Variants in ABCA9 observed in about 807,000 individuals in gnomAD.
ABCA9 encodes the protein ATP-binding cassette sub-family A member 9.
A neutral mutation model predicts 205.3 loss-of-function variants in ABCA9; 183 were observed. The observed-to-expected ratio is 0.89, with a 90% CI of 0.79 to 1.01. The LOEUF is 1.01. Among genes scored for constraint, ABCA9 ranks in the 50% least tolerant of loss-of-function variants. ABCA9 has a pLI of 0.00. For missense variants in ABCA9, 1,805 were observed against 1,912.4 expected, an observed-to-expected ratio of 0.94 and a Z score of 1.05; for synonymous variants, 651 against 683.3, an observed-to-expected ratio of 0.95 and a Z score of 0.74.
chr17:69,036,673 C>T (rs1271025669), intron 6 of ABCA9, among the ~76,000 whole-genome samples: 1 of 151,794 alleles, frequency 6.6e-6, no homozygotes, highest in Admixed American at 6.6e-5. Flanking sequence ...CAAATTCACA[C>T]ATAACAATAT....
chr17:68,988,666 TAGGC>T (rs1031050042), intron 31 of ABCA9, among the ~76,000 whole-genome samples: 16 of 152,156 alleles, frequency 1.1e-4, no homozygotes, highest in African/African-American at 3.6e-4. Flanking sequence ...TGCAACCACA[TAGGC>T]AGGAGTTGTC....
rs914037389 is a variant in ABCA9, at chr17:69,045,098, C to T, written c.469+74G>A. ...TGTATATGTTTGTGTAGTTTCACCT[C>T]TGCTATCAGGTATGCCCCCTTTGTG... On this transcript the variant is annotated intron_variant, in intron 4 of 38. Transcript: ENST00000340001. 3.2e-6 allele frequency: 4 copies of T among 1,265,310 alleles called. No individual in the cohort carries two copies. In the Admixed American group the frequency reaches 8.5e-5, roughly 27 times the overall value. 78.4% of individuals were successfully genotyped at this position (1,265,310 alleles called of 1,614,324 possible).
In ABCA9 at chr17:68,990,996, TA is replaced by T. The variant is rs762291514; in HGVS notation, c.3717-40del. On this transcript the variant is annotated intron_variant, in intron 28 of 38. Transcript: ENST00000340001. ...AGTGTGATAATGATAAACTTCGGGT[TA>T]AAAATCTTGTATCAAAATTAATGAA... 8.2e-6 allele frequency: 13 copies of T among 1,582,266 alleles called. No individual in the cohort carries two copies. The Admixed American group carries it at 1.2e-4, about 15-fold the overall frequency.
intron 29 of ABCA9, among the ~76,000 whole-genome samples, chr17:68,990,240 C>T (rs947577360): frequency 6.6e-6 from 1 of 152,166 alleles, no homozygotes; most frequent in Non-Finnish European, 1.5e-5. Context: ...CAGACAAGCT[C>T]TCTCTCAGTG....
intron 23 of ABCA9, 46 bp downstream of exon 23, chr17:69,011,930 G>T (rs752056749): frequency 1.5e-6 from 2 of 1,357,116 alleles, no homozygotes; most frequent in East Asian, 2.4e-5. Flanking sequence ...GTGTGGGAAG[G>T]GTTCTCTAGA....
intron 28 of ABCA9, among the ~76,000 whole-genome samples, chr17:68,991,282 G>A (rs1333280668): frequency 6.6e-6 from 1 of 152,140 alleles, no homozygotes; most frequent in Non-Finnish European, 1.5e-5. Context: ...AGGAATCTAG[G>A]AACTATAGTT....
intron 3 of ABCA9, among the ~76,000 whole-genome samples, chr17:69,045,687 A>T (rs2071685959): frequency 6.6e-6 from 1 of 152,152 alleles, no homozygotes; most frequent in Non-Finnish European, 1.5e-5. Context: ...GCCTCAGGAA[A>T]CTTACAATCA....
intron 15 of ABCA9, 30 bp downstream of exon 15, chr17:69,026,946 T>C: frequency 6.2e-7 from 1 of 1,611,832 alleles, no homozygotes; most frequent in East Asian, 2.2e-5. Flanking sequence ...TAACCTCTCA[T>C]GAAGATACAT....
At chr17:68,994,546 G>A (rs559488947) in intron 26 of ABCA9, among the ~76,000 whole-genome samples, 29 of 152,238 alleles carry the variant, frequency 1.9e-4, no homozygotes, top group Non-Finnish European at 3.2e-4. Flanking sequence ...AATGACCTAC[G>A]TTCTGAAATA....
chr17:69,016,122 AT>A, intron 22 of ABCA9, 130 bp downstream of exon 22: 1 of 85,508 alleles, frequency 1.2e-5, no homozygotes. Flanking sequence ...ATATATATAT[AT>A]ACACACACAC....
intron 25 of ABCA9, among the ~76,000 whole-genome samples, chr17:69,003,908 G>A (rs1487161042): frequency 2.0e-5 from 3 of 151,924 alleles, no homozygotes; most frequent in South Asian, 2.1e-4. Flanking sequence ...AGTTGATCAC[G>A]TGGGCTCCTG....
intron 37 of ABCA9, among the ~76,000 whole-genome samples, chr17:68,976,501 C>T (rs2068896732): frequency 2.0e-5 from 3 of 152,170 alleles, no homozygotes; most frequent in Admixed American, 6.5e-5. Context: ...CCCCTCTGTA[C>T]CAGCCCTCAT....
In ABCA9 at chr17:68,982,546, A is replaced by T. The variant is rs1237690730; in HGVS notation, c.4720+16T>A. The T allele has an allele frequency of 1.2e-6, 2 of 1,603,952 alleles. No homozygotes were observed. The highest frequency in any genetic ancestry group is 1.7e-6 in the Non-Finnish European group (2 of 1,170,828). ...ATCTGTTTCCCAGAGTTTTGTCTCT[A>T]AACAGTCACTCTTACCTATCTCTAA... On this transcript the variant is annotated intron_variant, in intron 37 of 38. Transcript: ENST00000340001.
At chr17:69,012,938 T>C (rs781608822) in intron 22 of ABCA9, among the ~76,000 whole-genome samples, 2 of 152,166 alleles carry the variant, frequency 1.3e-5, no homozygotes, top group Non-Finnish European at 2.9e-5. Flanking sequence ...GTTTTAATTT[T>C]CAGATCCCAC....
chr17:69,057,034 A>G (rs961482857), intron 1 of ABCA9, among the ~76,000 whole-genome samples: 1 of 152,218 alleles, frequency 6.6e-6, no homozygotes, highest in South Asian at 2.1e-4. Flanking sequence ...TGTTGAGTCA[A>G]GGAATAGGTT....
Position 68,976,022 on chromosome 17 carries a change from A to G in ABCA9, c.4777-9T>C. 1 of 1,613,270 alleles carries G rather than the reference A, an allele frequency of 6.2e-7. No homozygotes were observed. On this transcript the variant is annotated splice_polypyrimidine_tract_variant and intron_variant, in intron 38 of 38. Coordinates refer to ENST00000340001, the MANE Select transcript of ABCA9 (RefSeq NM_080283.4). The stretch of plus-strand genomic sequence containing the variant: ...GAGAGCTCCAGGAAAACCTAAAAGG[A>G]AGGAAAGAAATAAAGAGAGGAGAAC...
chr17:69,011,932 T>TTCTC (rs746445516), intron 23 of ABCA9, 44 bp downstream of exon 23: 74 of 1,407,520 alleles, frequency 5.3e-5, no homozygotes, highest in Non-Finnish European at 7.1e-5. Context: ...GTGGGAAGGG[T>TTCTC]TCTCTAGATA....
chr17:69,069,310 T>C, the ABCA9 span, among the ~76,000 whole-genome samples: 1 of 152,182 alleles, frequency 6.6e-6, no homozygotes, highest in African/African-American at 2.4e-5. Flanking sequence ...GCATAAATGG[T>C]AATTTTGATG....
At chr17:69,061,210 G>A (rs898442336), upstream of ABCA9, 52 of 957,822 alleles carry the variant, frequency 5.4e-5, no homozygotes, top group Non-Finnish European at 6.0e-5. Flanking sequence ...TTTCTCAATC[G>A]GTCTTTTCAT....
Sources: gnomAD v4.1 joint callset for allele counts (sites outside exome capture counted in the v4.1 genomes callset) on GRCh38, gnomAD v4.1.1 for gene constraint, MANE v1.5 for transcripts, NCBI Gene and HGNC (gene_info 2026-07-23, HGNC 2026-07-21) for gene names.